Variants in GRTP1 observed in about 807,000 individuals in gnomAD.
GRTP1 encodes growth hormone-regulated TBC protein 1.
In GRTP1, 56 loss-of-function variants were observed where a neutral mutation model predicts 38.1. The ratio of observed to expected loss-of-function variants is 1.47; its 90% CI spans 1.19 to 1.84. GRTP1 has a LOEUF of 1.84. GRTP1 is among the 40% of genes most tolerant of loss of function. The pLI, the probability that GRTP1 is intolerant of heterozygous loss-of-function variation, is 0.00. For synonymous variants in GRTP1, 217 were observed against 189.5 expected, an observed-to-expected ratio of 1.14 and a Z score of -1.19; for missense variants, 506 against 453.9, an observed-to-expected ratio of 1.11 and a Z score of -1.04.
intron 2 of GRTP1, among the ~76,000 whole-genome samples, chr13:113,357,966 G>A (rs1425578487): frequency 1.3e-5 from 2 of 152,160 alleles, no homozygotes; most frequent in East Asian, 3.8e-4. Context: ...ATCACCTGAG[G>A]TCAGGAGTTC....
At position 113,349,504 on chromosome 13, in the gene GRTP1, C is replaced by A. The variant is rs1163928999; in HGVS notation, c.465+1345G>T. 6.6e-6 allele frequency among the ~76,000 whole-genome samples: 1 copy of A among 152,208 alleles called. No individual in the cohort carries two copies. The highest frequency in any genetic ancestry group is 2.4e-5 in the African/African-American group (1 of 41,454). ...CCCATTCTACCTCAACTCCAGAAGG[C>A]CACGTTCTTGCTCCTGGACAGTCAT... On this transcript the variant is annotated intron_variant, in intron 4 of 7. Transcript: ENST00000375431. The surrounding 1 kb of genome is among the most constrained non-coding windows in gnomAD (Gnocchi z 5.0).
chr13:113,325,875 T>C (rs750202514), intron 6 of GRTP1, 29 bp from the exon 7 acceptor site: 2 of 1,613,514 alleles, frequency 1.2e-6, no homozygotes, highest in Non-Finnish European at 8.5e-7. Flanking sequence ...CCGGTGTCAC[T>C]CCCTGGCGGC....
At chr13:113,354,031 G>A (rs183378250) in intron 3 of GRTP1, among the ~76,000 whole-genome samples, 155 of 152,216 alleles carry the variant, frequency 1.0e-3, no homozygotes, top group East Asian at 4.8e-3. Flanking sequence ...CACTGTGACC[G>A]CACCACTACA....
intron 5 of GRTP1, 51 bp downstream of exon 5, chr13:113,344,812 C>A: frequency 6.6e-7 from 1 of 1,506,504 alleles, no homozygotes; most frequent in Admixed American, 2.4e-5. Context: ...ATCATTTTGG[C>A]AGCACCAGAA....
chr13:113,350,685 G>A (rs2043247857), intron 4 of GRTP1, among the ~76,000 whole-genome samples, 164 bp downstream of exon 4: 1 of 152,130 alleles, frequency 6.6e-6, no homozygotes, highest in South Asian at 2.1e-4. Flanking sequence ...GCTGCTCCCT[G>A]TCCTCCCTGC....
intron 5 of GRTP1, among the ~76,000 whole-genome samples, chr13:113,338,905 TAG>T (rs1174810685): frequency 1.5e-5 from 2 of 131,316 alleles, no homozygotes; most frequent in African/African-American, 5.3e-5. Context: ...TTTTTCTGCT[TAG>T]ATTTTTTTTT....
In GRTP1 at chr13:113,343,321, C is replaced by CCTGCTG. The variant is rs779830017; in HGVS notation, c.562+1536_562+1541dup. ...ATCCTTTCCGCCCTGCGAGGTTCTGCCTGCTGCTGCTGCTGCTGCACTGGG... is the reference window on the plus strand; with the variant it reads ...ATCCTTTCCGCCCTGCGAGGTTCTGCCTGCTGCTGCTGCTGCTGCTGCTGCACTGGG... On this transcript the variant is annotated intron_variant, in intron 5 of 7. Coordinates refer to ENST00000375431, the MANE Select transcript of GRTP1 (RefSeq NM_024719.4). The surrounding 1 kb of genome is among the most constrained non-coding windows in gnomAD (Gnocchi z 4.8). Among the ~76,000 whole-genome samples, 8 of 152,020 alleles carry CCTGCTG rather than the reference C, an allele frequency of 5.3e-5. No individual in the cohort carries two copies. The highest frequency in any genetic ancestry group is 1.9e-4 in the East Asian group (1 of 5,180).
At chr13:113,331,862 G>A (rs2042876061) in intron 5 of GRTP1, among the ~76,000 whole-genome samples, 1 of 150,674 alleles carries the variant, frequency 6.6e-6, no homozygotes, top group Non-Finnish European at 1.5e-5. Flanking sequence ...TCATCATGTT[G>A]GCCAGGCTGG....
At chr13:113,362,066 T>C (rs766084741) in intron 2 of GRTP1, among the ~76,000 whole-genome samples, 7 of 152,154 alleles carry the variant, frequency 4.6e-5, no homozygotes, top group Non-Finnish European at 8.8e-5. Flanking sequence ...GGAAAATCGC[T>C]TGAACCCAGG....
At chr13:113,328,262 G>A (rs772912844) in intron 5 of GRTP1, among the ~76,000 whole-genome samples, 11 of 152,204 alleles carry the variant, frequency 7.2e-5, no homozygotes, top group Non-Finnish European at 1.2e-4. Context: ...GACGGCACCT[G>A]CCTGGCCAGG....
chr13:113,329,438 C>T (rs948531746), intron 5 of GRTP1, among the ~76,000 whole-genome samples: 7 of 152,128 alleles, frequency 4.6e-5, no homozygotes, highest in East Asian at 1.9e-4. Flanking sequence ...ATTAGCTGGG[C>T]GTGGTGGCCA....
chr13:113,327,211 C>CT (rs1281471605), intron 5 of GRTP1, among the ~76,000 whole-genome samples: 1 of 152,180 alleles, frequency 6.6e-6, no homozygotes, highest in Non-Finnish European at 1.5e-5. Flanking sequence ...GAGTCTCGCT[C>CT]TGTCACCGAG....
chr13:113,328,790 A>C (rs2042813024), intron 5 of GRTP1, among the ~76,000 whole-genome samples: 1 of 152,244 alleles, frequency 6.6e-6, no homozygotes, highest in African/African-American at 2.4e-5. Flanking sequence ...GCCTTCTGTG[A>C]AAGGAGTTTC....
In GRTP1 at chr13:113,347,659, T is replaced by C. The variant is rs9549744; in HGVS notation, c.466-2700A>G. Among the ~76,000 whole-genome samples, 22 of 18,386 alleles carry C rather than the reference T, an allele frequency of 1.2e-3. 1 individual carries two copies. The highest frequency in any genetic ancestry group is 2.6e-3 in the African/African-American group (9 of 3,474). 12.1% of individuals were successfully genotyped at this position (18,386 alleles called of 152,430 possible). A position where few individuals can be genotyped will look rare whatever the true frequency, so the allele number is the denominator to read the frequency against. Reference sequence around the variant, plus strand: ...GAGGACCTCTGTGGCTGAGCAGATCTGGGAGGACCTCTGTGGCAGAGAGCA... The same window carrying C: ...GAGGACCTCTGTGGCTGAGCAGATCCGGGAGGACCTCTGTGGCAGAGAGCA... On this transcript the variant is annotated intron_variant, in intron 4 of 7. Transcript: ENST00000375431.
intron 2 of GRTP1, among the ~76,000 whole-genome samples, chr13:113,362,112 G>A (rs2043509827): frequency 6.6e-6 from 1 of 152,086 alleles, no homozygotes; most frequent in African/African-American, 2.4e-5. Flanking sequence ...TCATGCCACT[G>A]CACTCTAGCC....
At chr13:113,330,994 G>A (rs1186020018) in intron 5 of GRTP1, among the ~76,000 whole-genome samples, 1 of 149,680 alleles carries the variant, frequency 6.7e-6, no homozygotes, top group African/African-American at 2.5e-5. Context: ...GGGAGCCCAG[G>A]CGTGTGCATG....
chr13:113,339,543 C>G (rs1193107343), intron 5 of GRTP1: 16 of 152,208 alleles, frequency 1.1e-4, no homozygotes, highest in Admixed American at 6.5e-5. Context: ...TTCTTCCATA[C>G]AGTCAACTGT....
At chr13:113,328,164 C>G (rs921849544) in intron 5 of GRTP1, among the ~76,000 whole-genome samples, 7 of 152,156 alleles carry the variant, frequency 4.6e-5, no homozygotes, top group African/African-American at 1.4e-4. Context: ...GCGCCGCTAT[C>G]CCCCCAGGCT....
chr13:113,351,026 C>T (rs1324521449), intron 3 of GRTP1, 53 bp from the exon 4 acceptor site: 1 of 1,607,036 alleles, frequency 6.2e-7, no homozygotes, highest in African/African-American at 1.3e-5. Flanking sequence ...ACAAGCCTCC[C>T]ACCCCTCCAG....
Sources: gnomAD v4.1 joint callset for allele counts (sites outside exome capture counted in the v4.1 genomes callset) on GRCh38, gnomAD v4.1.1 for gene constraint, Gnocchi (gnomAD v3.1) non-coding constraint, MANE v1.5 for transcripts, NCBI Gene and HGNC (gene_info 2026-07-23, HGNC 2026-07-21) for gene names.